Variants in VPS53 observed in about 807,000 individuals in gnomAD.
The protein encoded by VPS53 is vacuolar protein sorting-associated protein 53 homolog.
Under a neutral mutation model 107.0 loss-of-function variants are expected in VPS53, and 70 were observed. The ratio of observed to expected loss-of-function variants is 0.65; its 90% CI spans 0.54 to 0.80. The LOEUF (loss-of-function observed/expected upper bound fraction) is 0.80. VPS53 is among the 30% of genes least tolerant of loss of function. The pLI is 0.00. For missense variants in VPS53, 917 were observed against 1,049.4 expected (o/e 0.87, Z 1.74); for synonymous variants, 409 against 393.3 (o/e 1.04, Z -0.47).
intron 11 of VPS53, among the ~76,000 whole-genome samples, chr17:615,590 T>C (rs1389988313): frequency 6.6e-6 from 1 of 152,208 alleles, no homozygotes; most frequent in Non-Finnish European, 1.5e-5. Flanking sequence ...GCTGACATCT[T>C]ACCTGTTTTG....
intron 6 of VPS53, among the ~76,000 whole-genome samples, chr17:655,218 AGATTGCTCCTTTGTAG>A (rs1324068470): frequency 2.0e-5 from 3 of 152,178 alleles, no homozygotes; most frequent in Non-Finnish European, 2.9e-5. Flanking sequence ...AGGAGGCTTT[AGATTGCTCCTTTGTAG>A]TAAATCACCA....
intron 2 of VPS53, among the ~76,000 whole-genome samples, chr17:704,231 C>CA: frequency 6.6e-6 from 1 of 152,154 alleles, no homozygotes; most frequent in Non-Finnish European, 1.5e-5. Context: ...TTAAACCCCA[C>CA]AGGCACTCTG....
chr17:578,212 G>C (rs1914814097), intron 13 of VPS53, among the ~76,000 whole-genome samples: 1 of 151,744 alleles, frequency 6.6e-6, no homozygotes, highest in Non-Finnish European at 1.5e-5. Context: ...TGCATTCCTA[G>C]AGAACATCCC....
At chr17:574,696 T>A (rs1258689484) in intron 13 of VPS53, among the ~76,000 whole-genome samples, 1 of 152,070 alleles carries the variant, frequency 6.6e-6, no homozygotes. Flanking sequence ...ACCCAGGAGG[T>A]TGAGGCTACA....
intron 5 of VPS53, chr17:657,130 G>A: frequency 7.8e-7 from 1 of 1,286,338 alleles, no homozygotes; most frequent in Admixed American, 1.7e-5. Flanking sequence ...CCTTGATGAG[G>A]GGTCAGGGTA....
chr17:621,978 G>A (rs1229853506), intron 11 of VPS53, among the ~76,000 whole-genome samples: 5 of 152,124 alleles, frequency 3.3e-5, no homozygotes, highest in Non-Finnish European at 5.9e-5. Context: ...TTGGGAGGCC[G>A]AGGCGGGCAG....
intron 4 of VPS53, among the ~76,000 whole-genome samples, chr17:686,278 C>A (rs1393277139): frequency 6.6e-6 from 1 of 151,936 alleles, no homozygotes; most frequent in East Asian, 1.9e-4. Flanking sequence ...TACGATCCTG[C>A]CATTACATTC....
At chr17:644,609 G>A (rs117188283) in intron 7 of VPS53, among the ~76,000 whole-genome samples, 2,369 of 150,908 alleles carry the variant, frequency 0.016, 24 homozygotes, top group Middle Eastern at 0.031. Flanking sequence ...CCCCCGAGAC[G>A]GGTCTGCTTT....
chr17:618,247 G>A (rs12952552), intron 11 of VPS53, among the ~76,000 whole-genome samples: 1 of 70,246 alleles, frequency 1.4e-5, no homozygotes, highest in Non-Finnish European at 3.3e-5. Flanking sequence ...GACTACAGGC[G>A]TGCACCACCA....
intron 4 of VPS53, among the ~76,000 whole-genome samples, chr17:687,211 A>G (rs866406828): frequency 9.9e-5 from 15 of 151,712 alleles, no homozygotes; most frequent in Middle Eastern, 3.2e-3. Flanking sequence ...ACTTGAACCC[A>G]GGAGACGGAG....
chr17:612,805 C>T (rs1968952530), intron 11 of VPS53, among the ~76,000 whole-genome samples: 1 of 143,564 alleles, frequency 7.0e-6, no homozygotes, highest in South Asian at 2.3e-4. Flanking sequence ...CAAATATTCA[C>T]ATAGTGAGTT....
chr17:638,283 T>A (rs1040200325), intron 7 of VPS53, among the ~76,000 whole-genome samples: 1 of 152,170 alleles, frequency 6.6e-6, no homozygotes, highest in African/African-American at 2.4e-5. Context: ...TCTTCCTCCA[T>A]CCCTTTATTT....
In VPS53 at chr17:516,526, G is replaced by A. The variant is rs1178184769; in HGVS notation, c.*2602C>T. ...GGAGGTGTGCACGCCACCACACCCC[G>A]GTAATTTTTGTATTTTTTGTAGAGA... On this transcript the variant is annotated 3_prime_UTR_variant, in exon 22 of 22. Coordinates refer to ENST00000437048, the MANE Select transcript of VPS53 (RefSeq NM_001128159.3). 4 of 151,296 alleles carry A rather than the reference G, an allele frequency of 2.6e-5. No homozygotes were observed. Among genetic ancestry groups the A allele is most frequent in the African/African-American group, 7.3e-5 (3 of 41,336 alleles). The allele number at this position is 151,296 out of a possible 1,614,324, so 9.4% of individuals were successfully genotyped here.
chr17:631,511 G>T, intron 8 of VPS53, 39 bp downstream of exon 8: 3 of 1,598,438 alleles, frequency 1.9e-6, no homozygotes, highest in Non-Finnish European at 2.6e-6. Context: ...GGCAAGGATG[G>T]TGATCATCTC....
At chr17:695,071 T>G (rs366151) in intron 4 of VPS53, among the ~76,000 whole-genome samples, 58,987 of 152,032 alleles carry the variant, frequency 0.39, 13,589 homozygotes, top group Non-Finnish European at 0.52. Flanking sequence ...AAAGATACAG[T>G]TCTTACCTTC....
intron 11 of VPS53, among the ~76,000 whole-genome samples, chr17:612,429 C>A (rs1421697049): frequency 7.4e-6 from 1 of 134,452 alleles, no homozygotes; most frequent in African/African-American, 2.8e-5. Flanking sequence ...ACAGTGAAAA[C>A]CTGTACAAAT....
At chr17:588,952 T>C (rs1259216983) in intron 12 of VPS53, among the ~76,000 whole-genome samples, 2 of 135,032 alleles carry the variant, frequency 1.5e-5, no homozygotes, top group African/African-American at 3.0e-5. Flanking sequence ...CTTAAGTGAA[T>C]AGAAAAATGT....
At chr17:621,822 C>G (rs1969478635) in intron 11 of VPS53, among the ~76,000 whole-genome samples, 1 of 152,106 alleles carries the variant, frequency 6.6e-6, no homozygotes, top group African/African-American at 2.4e-5. Flanking sequence ...TCTCTTTTTC[C>G]AAAAGAACGT....
Position 521,657 on chromosome 17 carries a change from CGGGT to C in VPS53, c.2163_2166del (p.Ser724ThrfsTer9). The C allele has an allele frequency of 6.4e-7, 1 of 1,550,944 alleles. No homozygotes were observed. The highest frequency in any genetic ancestry group is 1.4e-5 in the African/African-American group (1 of 73,102). On this transcript the variant is annotated frameshift_variant, in exon 20 of 22. Coordinates refer to ENST00000437048, the MANE Select transcript of VPS53 (RefSeq NM_001128159.3). LOFTEE classifies it high-confidence loss of function. ...TTGACAACGATCTTGGTGTAGCTGG[CGGGT>C]GCCTTCCTCACCACCTGCGAGCTGA...
Sources: gnomAD v4.1 joint callset for allele counts (sites outside exome capture counted in the v4.1 genomes callset) on GRCh38, gnomAD v4.1.1 for gene constraint, MANE v1.5 for transcripts, NCBI Gene and HGNC (gene_info 2026-07-23, HGNC 2026-07-21) for gene names.